MYH10: variants seen among roughly 807,000 people sequenced by gnomAD.
MYH10 encodes myosin-10.
Under a neutral mutation model 257.8 loss-of-function variants are expected in MYH10, and 55 were observed. That is an observed-to-expected ratio of 0.21 (90% CI 0.17 to 0.27). MYH10 has a LOEUF of 0.27. Among genes scored for constraint, MYH10 ranks in the 10% least tolerant of loss-of-function variants. MYH10 has a pLI of 1.00. For missense variants in MYH10, 1,631 were observed against 2,500.6 expected, an observed-to-expected ratio of 0.65 and a Z score of 7.42; for synonymous variants, 854 against 921.7, an observed-to-expected ratio of 0.93 and a Z score of 1.33.
intron 13 of MYH10, among the ~76,000 whole-genome samples, chr17:8,544,963 C>T (rs1052389592): frequency 6.6e-6 from 1 of 152,198 alleles, no homozygotes; most frequent in Non-Finnish European, 1.5e-5. Flanking sequence ...TCATCTTGCC[C>T]GTGTTCTACT....
At position 8,490,109 on chromosome 17, in the gene MYH10, TA is replaced by T; in HGVS notation, c.4884+230del. On this transcript the variant is annotated intron_variant, in intron 35 of 42. Coordinates refer to ENST00000360416, the MANE Select transcript of MYH10 (RefSeq NM_001256012.3). This position sits in a 1 kb window ranked among gnomAD's most constrained non-coding sequence, Gnocchi z 4.1. ...AGTCCACTGAGGGCTTTCTGACTGA[TA>T]AGTGTCTGGCTTGTAGGCAGGAATG... The T allele has an allele frequency of 2.3e-6, 1 of 442,936 alleles. No individual in the cohort carries two copies. The allele number at this position is 442,936 out of a possible 1,614,324, so 27.4% of individuals were successfully genotyped here.
intron 2 of MYH10, 61 bp from the exon 3 acceptor site, chr17:8,605,043 C>T (rs1437799465): frequency 1.1e-6 from 1 of 874,458 alleles, no homozygotes; most frequent in African/African-American, 1.8e-5. Flanking sequence ...AATCAGGGTC[C>T]AATCAGGAGA....
intron 14 of MYH10, among the ~76,000 whole-genome samples, chr17:8,541,630 C>T (rs1359657352): frequency 6.6e-6 from 1 of 150,900 alleles, no homozygotes; most frequent in Non-Finnish European, 1.5e-5. Flanking sequence ...ATACATCTGA[C>T]AAGACTTCCC....
intron 4 of MYH10, among the ~76,000 whole-genome samples, chr17:8,584,708 A>T (rs2083830915): frequency 6.6e-6 from 1 of 152,200 alleles, no homozygotes; most frequent in Non-Finnish European, 1.5e-5. Flanking sequence ...TCTGGGCCTG[A>T]TAATTTAAAG....
At position 8,526,070 on chromosome 17, in the gene MYH10, C is replaced by T. The variant is rs2081835995; in HGVS notation, c.1957+4553G>A. Among the ~76,000 whole-genome samples the T allele has an allele frequency of 2.6e-5, 4 of 152,188 alleles. No homozygotes were observed. In the South Asian group the frequency reaches 6.2e-4, roughly 24 times the overall value. ...CCTCTCAAAGTGCTGGGATTACAGG[C>T]GTGAGCCACCGCGCCCAGCCGTTTT... is the stretch of plus-strand genomic sequence containing the variant. On this transcript the variant is annotated intron_variant, in intron 17 of 42. Coordinates refer to ENST00000360416, the MANE Select transcript of MYH10 (RefSeq NM_001256012.3).
intron 42 of MYH10, among the ~76,000 whole-genome samples, chr17:8,476,595 A>G (rs1430050986): frequency 6.6e-6 from 1 of 152,186 alleles, no homozygotes; most frequent in Non-Finnish European, 1.5e-5. Flanking sequence ...AGCTCACTTC[A>G]CTAATGGATA....
At chr17:8,546,399 A>T (rs1201731782) in intron 12 of MYH10, 145 bp downstream of exon 12, 3 of 89,006 alleles carry the variant, frequency 3.4e-5, no homozygotes, top group Non-Finnish European at 2.3e-5. Context: ...AAATATACTT[A>T]AAAAAAAAAA....
intron 7 of MYH10, among the ~76,000 whole-genome samples, chr17:8,565,986 T>A (rs2083154154): frequency 6.6e-6 from 1 of 152,194 alleles, no homozygotes; most frequent in Non-Finnish European, 1.5e-5. Flanking sequence ...GGTTTCTCGA[T>A]CTTAGCATAA....
intron 2 of MYH10, among the ~76,000 whole-genome samples, chr17:8,612,871 T>G (rs1040724583): frequency 5.9e-5 from 9 of 151,684 alleles, no homozygotes; most frequent in African/African-American, 2.2e-4. Context: ...AAAAAAAAAT[T>G]ATCATAGGTA....
chr17:8,515,628 T>C (rs551107442), intron 21 of MYH10, among the ~76,000 whole-genome samples: 1 of 144,376 alleles, frequency 6.9e-6, no homozygotes, highest in Non-Finnish European at 1.5e-5. Context: ...CTGAAACCTC[T>C]GCCTCTTGGG....
intron 41 of MYH10, 64 bp downstream of exon 41, chr17:8,478,274 A>G: frequency 7.3e-6 from 10 of 1,379,184 alleles, no homozygotes; most frequent in South Asian, 1.2e-5. Context: ...CAGTTGTGCC[A>G]CCAGCTCATT....
chr17:8,480,264 C>T lies in MYH10; in HGVS notation c.5443G>A (p.Asp1815Asn). ...CGCTCCAGTTGCTGGCGTGCATTGT[C>T]ACTCTTCTGGGCGGCGCTGCGCTCG... ...AAERSAAQKS[D>N]NARQQLERQN... Residue 1815 changes from aspartate (D) to asparagine (N), a missense_variant, in exon 40 of 43, where the codon GAC becomes AAC. Physicochemically the swap from Asp to Asn is conservative, Grantham distance 23 (BLOSUM62 1). This residue lies in a region of MYH10 where 343 missense variants were observed against 389.5 expected (regional missense o/e 0.88). Coordinates refer to ENST00000360416, the MANE Select transcript of MYH10 (RefSeq NM_001256012.3). The T allele has an allele frequency of 3.7e-6, 6 of 1,614,142 alleles. No individual in the cohort carries two copies. The highest frequency in any genetic ancestry group is 2.5e-6 in the Non-Finnish European group (3 of 1,180,046).
intron 1 of MYH10, among the ~76,000 whole-genome samples, chr17:8,626,304 G>A (rs1483800103): frequency 3.9e-5 from 6 of 152,208 alleles, no homozygotes; most frequent in African/African-American, 1.4e-4. Context: ...GGTGGCTCAC[G>A]CCTGTAATCC....
chr17:8,546,641 A>T lies in MYH10; in HGVS notation c.1181T>A (p.Leu394His). 3 of 1,614,028 alleles carry T rather than the reference A, an allele frequency of 1.9e-6. No individual in the cohort carries two copies. The highest frequency in any genetic ancestry group is 2.5e-6 in the Non-Finnish European group (3 of 1,179,950). The change falls in exon 12 of 43, where the codon CTT (leucine) becomes CAT (histidine). Residue 394 changes from leucine (L) to histidine (H), a missense_variant. By Grantham distance (99) the Leu-to-His change is moderately conservative. Around this residue, in one of 11 missense-constraint regions of MYH10, gnomAD observed 360 missense variants for 581.9 expected, o/e 0.62. Transcript: ENST00000360416. ...ENTVAQKLCH[L>H]LGMNVMEFTR... The stretch of plus-strand genomic sequence containing the variant: ...AAACTCCATCACATTCATCCCAAGA[A>T]GATGGCAGAGCTTCTGCGCAACTGA...
chr17:8,532,464 A>G (rs2082031212), intron 16 of MYH10, among the ~76,000 whole-genome samples: 1 of 152,182 alleles, frequency 6.6e-6, no homozygotes, highest in Admixed American at 6.5e-5. Flanking sequence ...TAAATGGAAG[A>G]CACAAAAGTG....
Position 8,513,911 on chromosome 17 carries a change from A to G in MYH10, c.2505-17T>C. On this transcript the variant is annotated splice_polypyrimidine_tract_variant and intron_variant, in intron 21 of 42. Transcript: ENST00000360416. ...GCAAAGGCCCTGAAGAACAATAAGA[A>G]AAACTTATGATGTAAAGAAAAAAGT... 6 of 1,605,492 alleles carry G rather than the reference A, an allele frequency of 3.7e-6. No homozygotes were observed. In the South Asian group the frequency reaches 6.7e-5, roughly 18 times the overall value.
chr17:8,629,937 G>A (rs912800539), intron 1 of MYH10, among the ~76,000 whole-genome samples: 2 of 151,786 alleles, frequency 1.3e-5, no homozygotes, highest in African/African-American at 4.8e-5. Context: ...GCCGGCTCCG[G>A]AGCCCCTCAC....
At chr17:8,511,058 A>G (rs1200708349) in intron 24 of MYH10, 1 of 113,670 alleles carries the variant, frequency 8.8e-6, no homozygotes, top group African/African-American at 4.3e-5. Flanking sequence ...ATATATATAT[A>G]TACACACATA....
intron 37 of MYH10, among the ~76,000 whole-genome samples, chr17:8,483,749 T>TATCAC (rs1290564591): frequency 1.3e-5 from 2 of 152,366 alleles, no homozygotes; most frequent in East Asian, 3.9e-4. Context: ...CCTTTTAAGT[T>TATCAC]ATCACATGAG....
Sources: gnomAD v4.1 joint callset for allele counts (sites outside exome capture counted in the v4.1 genomes callset) on GRCh38, gnomAD v4.1.1 for gene constraint, gnomAD v4.1.1 regional missense constraint, Gnocchi (gnomAD v3.1) non-coding constraint, MANE v1.5 for transcripts, NCBI Gene and HGNC (gene_info 2026-07-23, HGNC 2026-07-21) for gene names.